Variants in ASIC2 observed in about 807,000 individuals in gnomAD.
ASIC2 encodes acid sensing ion channel subunit 2.
ASIC2 carries 25 observed loss-of-function variants against 57.3 expected under a neutral mutation model. The observed-to-expected ratio is 0.44, with a 90% CI of 0.32 to 0.61. ASIC2 has a LOEUF of 0.61. ASIC2 is among the 20% of genes least tolerant of loss of function. ASIC2 has a pLI of 0.06. For synonymous variants in ASIC2, 319 were observed against 307.5 expected (o/e 1.04, Z -0.39); for missense variants, 641 against 738.1 (o/e 0.87, Z 1.52).
chr17:33,213,521 C>T (rs562988328), intron 1 of ASIC2, among the ~76,000 whole-genome samples: 107 of 152,318 alleles, frequency 7.0e-4, no homozygotes, highest in African/African-American at 2.5e-3. Context: ...AGCTCAGTGG[C>T]TGTAGCATGG....
At chr17:33,480,527 G>C (rs1192930549) in intron 1 of ASIC2, among the ~76,000 whole-genome samples, 2 of 152,100 alleles carry the variant, frequency 1.3e-5, no homozygotes, top group African/African-American at 4.8e-5. Flanking sequence ...AGAGAAATAG[G>C]GAAGCCAGAA....
At chr17:34,052,967 A>C (rs1908626533) in intron 1 of ASIC2, among the ~76,000 whole-genome samples, 2 of 149,434 alleles carry the variant, frequency 1.3e-5, no homozygotes, top group African/African-American at 2.5e-5. Context: ...CCTTCCTTCC[A>C]CCCTCCTTTC....
intron 1 of ASIC2, among the ~76,000 whole-genome samples, chr17:33,319,725 G>T (rs989484785): frequency 6.6e-6 from 1 of 152,042 alleles, no homozygotes; most frequent in Non-Finnish European, 1.5e-5. Context: ...GTAGAGATGG[G>T]GTTTCACCAT....
intron 1 of ASIC2, among the ~76,000 whole-genome samples, chr17:33,926,935 T>C (rs921469082): frequency 6.6e-6 from 1 of 152,122 alleles, no homozygotes; most frequent in Non-Finnish European, 1.5e-5. Flanking sequence ...GTTTTGGATT[T>C]TTTTTTTTTG....
chr17:33,773,297 G>A (rs891315703), intron 1 of ASIC2, among the ~76,000 whole-genome samples: 3 of 152,006 alleles, frequency 2.0e-5, no homozygotes, highest in Admixed American at 1.3e-4. Context: ...GAAAGCACTT[G>A]CAATAAGGTA....
intron 1 of ASIC2, chr17:33,131,548 G>A (rs544948421): frequency 3.3e-5 from 5 of 152,338 alleles, no homozygotes; most frequent in Non-Finnish European, 7.3e-5. Flanking sequence ...GACAGGCAAG[G>A]CATCTTTTTC....
intron 1 of ASIC2, among the ~76,000 whole-genome samples, chr17:34,024,790 T>A (rs534230781): frequency 6.6e-6 from 1 of 152,322 alleles, no homozygotes; most frequent in South Asian, 2.1e-4. Flanking sequence ...AGTCCATTTT[T>A]TTGTGGTTTA....
chr17:33,720,902 C>T (rs1909369776), intron 1 of ASIC2, among the ~76,000 whole-genome samples: 1 of 152,138 alleles, frequency 6.6e-6, no homozygotes, highest in African/African-American at 2.4e-5. Flanking sequence ...ATCCAGTCAG[C>T]CTTTGGTGAG....
chr17:34,026,293 C>A (rs1657705221), intron 1 of ASIC2, among the ~76,000 whole-genome samples: 1 of 152,162 alleles, frequency 6.6e-6, no homozygotes, highest in Admixed American at 6.5e-5. Flanking sequence ...AGGAGCCCTG[C>A]AGCAGCTAGA....
intron 1 of ASIC2, among the ~76,000 whole-genome samples, chr17:33,986,957 T>A (rs906285076): frequency 9.9e-5 from 15 of 152,162 alleles, no homozygotes; most frequent in Non-Finnish European, 2.1e-4. Flanking sequence ...GTCCAGAGTG[T>A]CTCCCTCATT....
intron 1 of ASIC2, among the ~76,000 whole-genome samples, chr17:33,574,078 G>A (rs1167877250): frequency 6.6e-6 from 1 of 152,198 alleles, no homozygotes; most frequent in Non-Finnish European, 1.5e-5. Flanking sequence ...GGGAGGAGGA[G>A]CTCTCTAAGG....
intron 1 of ASIC2, among the ~76,000 whole-genome samples, chr17:33,497,623 C>G (rs918786459): frequency 6.6e-6 from 1 of 152,152 alleles, no homozygotes; most frequent in Non-Finnish European, 1.5e-5. Context: ...AGGATCCTGC[C>G]CCCACTAGGG....
At chr17:33,294,671 A>T (rs1331118340), upstream of ASIC2, among the ~76,000 whole-genome samples, 1 of 152,196 alleles carries the variant, frequency 6.6e-6, no homozygotes, top group Non-Finnish European at 1.5e-5. Context: ...ACATACATGT[A>T]TACCAACATA....
At chr17:33,439,711 C>G (rs1222863935) in intron 1 of ASIC2, among the ~76,000 whole-genome samples, 1 of 152,160 alleles carries the variant, frequency 6.6e-6, no homozygotes, top group African/African-American at 2.4e-5. Context: ...CAAAGGAGAA[C>G]TGAAGACAAT....
chr17:33,368,151 A>G (rs1187637691), intron 1 of ASIC2, among the ~76,000 whole-genome samples: 1 of 152,192 alleles, frequency 6.6e-6, no homozygotes, highest in Non-Finnish European at 1.5e-5. Context: ...AACAGCTTTG[A>G]TCAATGGGAT....
rs185770877 is a variant in ASIC2, at chr17:33,511,171, C to T, written c.556-399104G>A. The stretch of plus-strand genomic sequence containing the variant: ...TGGCTGTAAGACTCTGTGGCTGTCA[C>T]CCTAATTCTTGGTTCATCGGCCATA... On this transcript the variant is annotated intron_variant, in intron 1 of 9. Transcript: ENST00000359872. 1.3e-3 allele frequency among the ~76,000 whole-genome samples: 183 copies of T among 136,252 alleles called. 5 individuals carry two copies. The East Asian group carries it at 0.042, about 31-fold the overall frequency. The allele number at this position is 136,252 out of a possible 152,430, so 89.4% of individuals were successfully genotyped here. A position where few individuals can be genotyped will look rare whatever the true frequency, so the allele number is the denominator to read the frequency against.
chr17:33,071,292 C>T (rs922186571), intron 3 of ASIC2, among the ~76,000 whole-genome samples: 1 of 152,066 alleles, frequency 6.6e-6, no homozygotes, highest in Admixed American at 6.6e-5. Flanking sequence ...TTTTAAAAAT[C>T]CTTGTTTTTC....
chr17:33,263,068 T>C (rs1021607604), intron 1 of ASIC2, among the ~76,000 whole-genome samples: 5 of 152,252 alleles, frequency 3.3e-5, no homozygotes, highest in African/African-American at 9.6e-5. Context: ...ATTCATTAAC[T>C]GGACTGTGAG....
chr17:33,951,554 T>C (rs1210561597), intron 1 of ASIC2, among the ~76,000 whole-genome samples: 1 of 152,060 alleles, frequency 6.6e-6, no homozygotes, highest in Non-Finnish European at 1.5e-5. Context: ...ATACCTATTC[T>C]TCCCTCTTTT....
Sources: allele counts gnomAD v4.1 joint callset (sites outside exome capture counted in the v4.1 genomes callset), GRCh38; gene constraint gnomAD v4.1.1; transcripts MANE v1.5; gene names NCBI Gene and HGNC (gene_info 2026-07-23, HGNC 2026-07-21).